TTLL5: variants seen among roughly 807,000 people sequenced by gnomAD.
The protein encoded by TTLL5 is tubulin polyglutamylase TTLL5.
A neutral mutation model predicts 168.4 loss-of-function variants in TTLL5; 132 were observed. That is an observed-to-expected ratio of 0.78 (90% CI 0.68 to 0.91). The LOEUF (loss-of-function observed/expected upper bound fraction) is 0.91. Among genes scored for constraint, TTLL5 ranks in the 40% least tolerant of loss-of-function variants. The probability of loss-of-function intolerance (pLI) is 0.00; values close to 1 mark genes in which losing one functional copy is unlikely to be tolerated. For missense variants in TTLL5, 1,545 were observed against 1,581.5 expected (o/e 0.98, Z 0.39); for synonymous variants, 546 against 558.6 (o/e 0.98, Z 0.32).
Position 75,948,124 on chromosome 14 carries a change from G to A in TTLL5, c.3824-6300G>A, listed in dbSNP as rs144670276. 5.3e-4 allele frequency among the ~76,000 whole-genome samples: 80 copies of A among 151,806 alleles called. 1 individual carries two copies. Among genetic ancestry groups the A allele is most frequent in the African/African-American group, 1.8e-3 (76 of 41,376 alleles). ...AAACACTACATTCCTTGACCATAAC[G>A]CAATAACAAAAAGATACTGGAAAAG... On this transcript the variant is annotated intron_variant, in intron 31 of 31. Coordinates refer to ENST00000298832, the MANE Select transcript of TTLL5 (RefSeq NM_015072.5).
At chr14:75,764,470 G>A (rs963993737) in intron 18 of TTLL5, 145 bp from the exon 19 acceptor site, 10 of 905,662 alleles carry the variant, frequency 1.1e-5, no homozygotes, top group Middle Eastern at 4.7e-4. Context: ...AGATTCTAGT[G>A]TTCCTCTTTA....
In TTLL5 at chr14:75,951,655, A is replaced by C. The variant is rs528363692; in HGVS notation, c.3824-2769A>C. On this transcript the variant is annotated intron_variant, in intron 31 of 31. Coordinates refer to ENST00000298832, the MANE Select transcript of TTLL5 (RefSeq NM_015072.5). Reference sequence around the variant, plus strand: ...TACATGCCTGTGGTCCCAGCTACTCAGGAGGCTGAGGTGGGAGGATTGCCT... The same window carrying C: ...TACATGCCTGTGGTCCCAGCTACTCCGGAGGCTGAGGTGGGAGGATTGCCT... Among the ~76,000 whole-genome samples, 375 of 152,206 alleles carry C rather than the reference A, an allele frequency of 2.5e-3. 3 individuals carry two copies. The highest frequency in any genetic ancestry group is 5.2e-3 in the South Asian group (25 of 4,820).
chr14:75,779,554 T>C (rs1337165923), intron 23 of TTLL5, 21 bp from the exon 24 acceptor site: 11 of 1,609,350 alleles, frequency 6.8e-6, no homozygotes, highest in Admixed American at 1.7e-5. Context: ...TGTCTGACCA[T>C]ACTTTTTCTC....
chr14:75,808,061 T>C (rs867703406), intron 27 of TTLL5, among the ~76,000 whole-genome samples: 1 of 152,158 alleles, frequency 6.6e-6, no homozygotes, highest in South Asian at 2.1e-4. Flanking sequence ...GAATAGATCT[T>C]ATGATGGCAG....
intron 28 of TTLL5, among the ~76,000 whole-genome samples, chr14:75,825,441 C>G (rs1895066681): frequency 6.6e-6 from 1 of 152,104 alleles, no homozygotes; most frequent in South Asian, 2.1e-4. Context: ...CAGCTTCTTT[C>G]TACTCAGCAG....
chr14:75,730,146 G>T (rs969406), intron 12 of TTLL5, among the ~76,000 whole-genome samples: 115,879 of 152,096 alleles, frequency 0.76, 44,453 homozygotes, highest in Admixed American at 0.81. Flanking sequence ...ATTCTTTTTC[G>T]TCAATCAAAT....
At chr14:75,894,417 A>T (rs1463669062) in intron 30 of TTLL5, among the ~76,000 whole-genome samples, 2 of 151,950 alleles carry the variant, frequency 1.3e-5, no homozygotes, top group Non-Finnish European at 2.9e-5. Flanking sequence ...GCTGGGCGTT[A>T]TGGCGCATGC....
intron 29 of TTLL5, among the ~76,000 whole-genome samples, chr14:75,881,028 C>T (rs2031783810): frequency 1.3e-5 from 2 of 152,196 alleles, no homozygotes; most frequent in South Asian, 2.1e-4. Flanking sequence ...ATTCTCCCAC[C>T]TCAGCCTCTT....
At chr14:75,722,635 CT>C (rs1887912964) in intron 12 of TTLL5, among the ~76,000 whole-genome samples, 1 of 151,984 alleles carries the variant, frequency 6.6e-6, no homozygotes, top group Admixed American at 6.6e-5. Context: ...CTCTTGTCCC[CT>C]TTTTAAATTT....
intron 18 of TTLL5, among the ~76,000 whole-genome samples, chr14:75,755,294 A>G (rs1478970988): frequency 6.7e-6 from 1 of 149,644 alleles, no homozygotes; most frequent in African/African-American, 2.4e-5. Flanking sequence ...TAATAATAAT[A>G]ATAATAATTT....
At position 75,926,076 on chromosome 14, in the gene TTLL5, G is replaced by A. The variant is rs535249883; in HGVS notation, c.3823+23852G>A. On this transcript the variant is annotated intron_variant, in intron 31 of 31. Coordinates refer to ENST00000298832, the MANE Select transcript of TTLL5 (RefSeq NM_015072.5). ...AGAGGGAGACCGTGGGCCGTGGGCC[G>A]TGGGCCGTGGGGAGAGGGAGAGGGA... Among the ~76,000 whole-genome samples the A allele has an allele frequency of 6.3e-4, 94 of 150,044 alleles. 2 individuals carry two copies. In the East Asian group the frequency reaches 0.015, roughly 24 times the overall value.
intron 28 of TTLL5, among the ~76,000 whole-genome samples, chr14:75,847,181 T>C (rs1896594039): frequency 6.6e-6 from 1 of 152,006 alleles, no homozygotes. Flanking sequence ...TTTGTGTTTT[T>C]TAGTAGAGAT....
At chr14:75,925,794 A>G (rs1228203492) in intron 31 of TTLL5, among the ~76,000 whole-genome samples, 2 of 152,026 alleles carry the variant, frequency 1.3e-5, no homozygotes, top group Non-Finnish European at 2.9e-5. Flanking sequence ...TCCGTCTGCA[A>G]TCCCGGCACC....
intron 30 of TTLL5, among the ~76,000 whole-genome samples, chr14:75,895,330 G>A (rs180768205): frequency 1.3e-4 from 20 of 152,192 alleles, no homozygotes; most frequent in East Asian, 3.9e-4. Flanking sequence ...ACAGCTCACA[G>A]CCTGAAAAGC....
chr14:75,911,322 C>T (rs938305716), intron 31 of TTLL5, among the ~76,000 whole-genome samples: 10 of 152,138 alleles, frequency 6.6e-5, no homozygotes, highest in Non-Finnish European at 1.5e-4. Flanking sequence ...CATGAGCCAC[C>T]GCGCCCAGTC....
chr14:75,720,487 T>C, intron 11 of TTLL5, 109 bp from the exon 12 acceptor site: 2 of 831,066 alleles, frequency 2.4e-6, no homozygotes, highest in South Asian at 3.2e-5. Context: ...ATATAGAGGC[T>C]TTTTTGAATG....
chr14:75,890,383 A>G (rs1480899297), intron 30 of TTLL5, among the ~76,000 whole-genome samples: 2 of 152,242 alleles, frequency 1.3e-5, no homozygotes, highest in African/African-American at 4.8e-5. Flanking sequence ...AGGGGAACCC[A>G]GAAGAAGAAA....
At position 75,888,803 on chromosome 14, in the gene TTLL5, C is replaced by G. The variant is rs182684185; in HGVS notation, c.3740+5901C>G. Among the ~76,000 whole-genome samples, 147 of 151,952 alleles carry G rather than the reference C, an allele frequency of 9.7e-4. 1 individual carries two copies. In the East Asian group the frequency reaches 0.021, roughly 21 times the overall value. On this transcript the variant is annotated intron_variant, in intron 30 of 31. Transcript: ENST00000298832. The stretch of plus-strand genomic sequence containing the variant: ...ACAAAAAATTAGCTGGGCATGGTGG[C>G]AGGTGCCTGTAATCCCAGCTACTCA...
intron 7 of TTLL5, among the ~76,000 whole-genome samples, chr14:75,699,642 T>G (rs1886115206): frequency 1.3e-5 from 2 of 152,238 alleles, no homozygotes; most frequent in Admixed American, 1.3e-4. Context: ...TGGGTTCTGT[T>G]CTCAAGGTTA....
Sources: allele counts gnomAD v4.1 joint callset (sites outside exome capture counted in the v4.1 genomes callset), GRCh38; gene constraint gnomAD v4.1.1; transcripts MANE v1.5; gene names NCBI Gene and HGNC (gene_info 2026-07-23, HGNC 2026-07-21).